CILK1: variants seen among roughly 807,000 people sequenced by gnomAD.
CILK1 encodes ciliogenesis associated kinase 1.
CILK1 carries 47 observed loss-of-function variants against 79.2 expected under a neutral mutation model. The ratio of observed to expected loss-of-function variants is 0.59; its 90% confidence interval spans 0.47 to 0.76. CILK1 has a LOEUF of 0.76. Ranked by LOEUF, CILK1 falls within the 30% of genes least tolerant of loss-of-function variation. The probability of loss-of-function intolerance (pLI) is 0.00; values close to 1 mark genes in which losing one functional copy is unlikely to be tolerated. For missense variants in CILK1, 660 were observed against 769.5 expected (o/e 0.86, Z 1.68); for synonymous variants, 266 against 275.9 (o/e 0.96, Z 0.36).
intron 1 of CILK1, among the ~76,000 whole-genome samples, chr6:53,046,867 T>C (rs1468794095): frequency 9.2e-5 from 14 of 152,078 alleles, no homozygotes; most frequent in Admixed American, 6.5e-4. Context: ...AGGAGAGAGA[T>C]CTGACAATCC....
chr6:53,010,196 A>T (rs1764485839), intron 11 of CILK1, among the ~76,000 whole-genome samples: 1 of 152,164 alleles, frequency 6.6e-6, no homozygotes, highest in African/African-American at 2.4e-5. Context: ...TGTCATCTGG[A>T]TCTCTCTTCT....
At position 53,006,481 on chromosome 6, in the gene CILK1, C is replaced by A. The variant is rs762652062; in HGVS notation, c.1622-44G>T. On this transcript the variant is annotated intron_variant, in intron 12 of 13. Coordinates refer to ENST00000676107, the MANE Select transcript of CILK1 (RefSeq NM_014920.5). Reference sequence around the variant, plus strand: ...AAGCTCATTATTACAAAGACATGTACCCAGGACACCAACAAGGTTAAATGA... The same window carrying A: ...AAGCTCATTATTACAAAGACATGTAACCAGGACACCAACAAGGTTAAATGA... The A allele has an allele frequency of 8.7e-6, 14 of 1,605,598 alleles. No homozygotes were observed. The African/African-American group carries it at 1.1e-4, about 12-fold the overall frequency.
At chr6:53,045,472 A>G (rs900966382) in intron 1 of CILK1, among the ~76,000 whole-genome samples, 2 of 152,148 alleles carry the variant, frequency 1.3e-5, no homozygotes, top group African/African-American at 4.8e-5. Flanking sequence ...TCTGTTTTTC[A>G]CTTTCAGTGC....
chr6:53,053,867 G>A (rs1468434575), intron 1 of CILK1, among the ~76,000 whole-genome samples: 1 of 152,112 alleles, frequency 6.6e-6, no homozygotes, highest in African/African-American at 2.4e-5. Context: ...TGTGCCTCGG[G>A]GCATCTCTTG....
intron 1 of CILK1, 143 bp downstream of exon 1, chr6:53,061,453 G>T (rs558299377): frequency 6.6e-6 from 1 of 152,424 alleles, no homozygotes; most frequent in South Asian, 2.1e-4. Flanking sequence ...ATCGCGGAAA[G>T]AAACTATAAC....
intron 1 of CILK1, among the ~76,000 whole-genome samples, chr6:53,058,370 T>C (rs1488517459): frequency 6.6e-6 from 1 of 152,212 alleles, no homozygotes; most frequent in African/African-American, 2.4e-5. Flanking sequence ...TTCCTTAGCA[T>C]TTTAATGCAA....
intron 7 of CILK1, among the ~76,000 whole-genome samples, chr6:53,017,979 A>G (rs1281566207): frequency 6.6e-6 from 1 of 152,178 alleles, no homozygotes; most frequent in Non-Finnish European, 1.5e-5. Context: ...GAGCGTTGTA[A>G]ACATGTGAGT....
intron 1 of CILK1, 42 bp downstream of exon 1, chr6:53,061,554 G>A (rs1768462694): frequency 1.3e-5 from 2 of 152,436 alleles, no homozygotes; most frequent in African/African-American, 4.8e-5. Context: ...TACAGTGACA[G>A]GTCGCCCGGC....
chr6:53,042,406 C>G (rs904431044), intron 1 of CILK1, among the ~76,000 whole-genome samples: 1 of 152,146 alleles, frequency 6.6e-6, no homozygotes. Flanking sequence ...ACTTGAGCTA[C>G]AATTAACAAT....
intron 2 of CILK1, among the ~76,000 whole-genome samples, chr6:53,040,222 C>A (rs536717471): frequency 6.6e-6 from 1 of 152,192 alleles, no homozygotes; most frequent in Admixed American, 6.5e-5. Flanking sequence ...TTAGAACCCC[C>A]TCTCCTTCAA....
intron 1 of CILK1, among the ~76,000 whole-genome samples, chr6:53,059,493 A>G (rs1016385514): frequency 1.3e-5 from 2 of 152,224 alleles, no homozygotes; most frequent in African/African-American, 4.8e-5. Context: ...TTATAAGAGA[A>G]GTAGACTTAG....
intron 1 of CILK1, among the ~76,000 whole-genome samples, chr6:53,059,724 G>A (rs1446005208): frequency 2.0e-5 from 3 of 152,344 alleles, no homozygotes; most frequent in African/African-American, 2.4e-5. Context: ...GCCTTGAGAA[G>A]TCAGGCATAT....
chr6:53,045,583 T>C (rs554950788), intron 1 of CILK1, among the ~76,000 whole-genome samples: 1 of 152,316 alleles, frequency 6.6e-6, no homozygotes, highest in East Asian at 1.9e-4. Context: ...GTTCTGAACA[T>C]GTTTAAGATA....
At chr6:53,023,615 A>T (rs896328278) in intron 5 of CILK1, among the ~76,000 whole-genome samples, 1 of 152,206 alleles carries the variant, frequency 6.6e-6, no homozygotes, top group African/African-American at 2.4e-5. Flanking sequence ...CTCTAGTAGG[A>T]CTAAATCTAT....
chr6:53,054,329 C>T (rs192150334), intron 1 of CILK1, among the ~76,000 whole-genome samples: 11 of 152,274 alleles, frequency 7.2e-5, no homozygotes, highest in Non-Finnish European at 1.6e-4. Flanking sequence ...GCTTCAGCCT[C>T]GACACTCTCC....
chr6:53,032,183 T>C (rs985230347), intron 4 of CILK1, among the ~76,000 whole-genome samples: 1 of 152,172 alleles, frequency 6.6e-6, no homozygotes, highest in East Asian at 1.9e-4. Context: ...ACAGCTTCTC[T>C]GAAGCTATCA....
chr6:53,053,406 CATG>C (rs1362165656), intron 1 of CILK1, among the ~76,000 whole-genome samples: 3 of 152,172 alleles, frequency 2.0e-5, no homozygotes, highest in Admixed American at 6.5e-5. Flanking sequence ...ATGCCCAAAA[CATG>C]ATAATTTTAG....
At position 53,018,439 on chromosome 6, in the gene CILK1, G is replaced by A. The variant is rs901020533; in HGVS notation, c.554C>T (p.Ala185Val). 2.5e-6 allele frequency: 4 copies of A among 1,614,090 alleles called. No individual in the cohort carries two copies. Among genetic ancestry groups the A allele is most frequent in the African/African-American group, 1.3e-5 (1 of 75,028 alleles). The change falls in exon 7 of 14, where the codon GCG becomes GTG. Residue 185 changes from alanine (A) to valine (V), a missense_variant. Physicochemically the swap from Ala to Val is moderately conservative, Grantham distance 64. Coordinates refer to ENST00000676107, the MANE Select transcript of CILK1 (RefSeq NM_014920.5). ...TNYSSPIDVW[A>V]VGCIMAEVYT... ...AACTTCTGCCATGATGCAGCCCACCGCCCAGACGTCAATGGGGGAGCTGTA... is the reference window on the plus strand; with the variant it reads ...AACTTCTGCCATGATGCAGCCCACCACCCAGACGTCAATGGGGGAGCTGTA...
intron 5 of CILK1, among the ~76,000 whole-genome samples, chr6:53,028,961 GTA>G (rs143617469): frequency 6.6e-6 from 1 of 151,168 alleles, no homozygotes; most frequent in African/African-American, 2.4e-5. Flanking sequence ...GTGTGTGTGT[GTA>G]TATATATATA....
Sources: allele counts gnomAD v4.1 joint callset (sites outside exome capture counted in the v4.1 genomes callset), GRCh38; gene constraint gnomAD v4.1.1; transcripts MANE v1.5; gene names NCBI Gene and HGNC (gene_info 2026-07-23, HGNC 2026-07-21).